The following KIF2A variants were observed in gnomAD, a reference collection of about 807,000 sequenced individuals.
KIF2A encodes kinesin-like protein KIF2A.
Under a neutral mutation model 100.2 loss-of-function variants are expected in KIF2A, and 22 were observed. The observed-to-expected ratio is 0.22, with a 90% CI of 0.16 to 0.31. The LOEUF (loss-of-function observed/expected upper bound fraction) is 0.31, where lower values mean the gene tolerates loss of function less well. Ranked by LOEUF, KIF2A falls within the 10% of genes least tolerant of loss-of-function variation. The pLI, the probability that KIF2A is intolerant of heterozygous loss-of-function variation, is 1.00. For missense variants in KIF2A, 495 were observed against 898.7 expected, an observed-to-expected ratio of 0.55 and a Z score of 5.74; for synonymous variants, 268 against 285.9, an observed-to-expected ratio of 0.94 and a Z score of 0.63.
intron 7 of KIF2A, among the ~76,000 whole-genome samples, chr5:62,356,157 A>T (rs1277791550): frequency 6.6e-6 from 1 of 152,228 alleles, no homozygotes; most frequent in African/African-American, 2.4e-5. Context: ...CATAGCATAT[A>T]CAGAATGTGT....
intron 19 of KIF2A, 46 bp from the exon 20 acceptor site, chr5:62,381,072 G>C: frequency 6.7e-7 from 1 of 1,487,248 alleles, no homozygotes; most frequent in Non-Finnish European, 9.3e-7. Context: ...TTTGGTTTCT[G>C]TTGCACAAAG....
At chr5:62,345,814 G>A (rs1371901674) in intron 1 of KIF2A, among the ~76,000 whole-genome samples, 2 of 151,428 alleles carry the variant, frequency 1.3e-5, no homozygotes, top group Non-Finnish European at 2.9e-5. Flanking sequence ...AATTATAGAT[G>A]CCCCCAAGGA....
chr5:62,335,416 G>A (rs536583628), intron 1 of KIF2A, among the ~76,000 whole-genome samples: 138 of 152,212 alleles, frequency 9.1e-4, no homozygotes, highest in African/African-American at 3.1e-3. Context: ...TAGTAGAGAC[G>A]CCACTCTGTC....
At chr5:62,365,791 G>C (rs6863617) in intron 15 of KIF2A, among the ~76,000 whole-genome samples, 20,525 of 152,012 alleles carry the variant, frequency 0.14, 1,617 homozygotes, top group East Asian at 0.25. Context: ...TCTCCCCTGG[G>C]CAACAACTGG....
At position 62,347,203 on chromosome 5, in the gene KIF2A, TG is replaced by T; in HGVS notation, c.140del (p.Gly47GlufsTer42). The T allele has an allele frequency of 6.3e-7, 1 of 1,584,382 alleles. No individual in the cohort carries two copies. Reference protein sequence around the residue: ...ESVTVEWIENGDTKGKEIDLE... With the variant: ...ESVTVEWIENXDTKGKEIDLE... The stretch of plus-strand genomic sequence containing the variant: ...GTGTAACTGTTGAATGGATAGAAAA[TG>T]GAGATACAAAAGGCAAAGAGGTAAG... On this transcript the variant is annotated frameshift_variant, in exon 2 of 21. Coordinates refer to ENST00000407818, the MANE Select transcript of KIF2A (RefSeq NM_001098511.3). LOFTEE classifies it high-confidence loss of function.
intron 19 of KIF2A, among the ~76,000 whole-genome samples, chr5:62,378,709 G>A (rs1402744165): frequency 6.6e-6 from 1 of 152,076 alleles, no homozygotes; most frequent in African/African-American, 2.4e-5. Flanking sequence ...CTTGAGCCCA[G>A]GAATTCAAGA....
chr5:62,360,232 C>T (rs1369358715), intron 9 of KIF2A, among the ~76,000 whole-genome samples: 1 of 151,854 alleles, frequency 6.6e-6, no homozygotes, highest in African/African-American at 2.4e-5. Context: ...TCAAGTGATC[C>T]ACCCACCTCA....
At chr5:62,381,306 A>G in intron 20 of KIF2A, 53 bp downstream of exon 20, 1 of 1,485,858 alleles carries the variant, frequency 6.7e-7, no homozygotes, top group Non-Finnish European at 9.3e-7. Flanking sequence ...TGGTATGTAT[A>G]TTGGTGAGAG....
chr5:62,381,764 A>G (rs1741780373), intron 20 of KIF2A, among the ~76,000 whole-genome samples: 1 of 152,154 alleles, frequency 6.6e-6, no homozygotes, highest in Non-Finnish European at 1.5e-5. Flanking sequence ...GGGTCTTGCT[A>G]TGTTGCTCAG....
intron 16 of KIF2A, among the ~76,000 whole-genome samples, chr5:62,368,776 TAA>T (rs879769914): frequency 9.7e-5 from 14 of 143,764 alleles, no homozygotes; most frequent in Non-Finnish European, 1.5e-4. Flanking sequence ...GACCTTGTCT[TAA>T]AAAAAAAAAA....
chr5:62,342,712 T>G, intron 1 of KIF2A, among the ~76,000 whole-genome samples: 1 of 152,082 alleles, frequency 6.6e-6, no homozygotes, highest in East Asian at 1.9e-4. Context: ...GTTTCAAATC[T>G]GCATCATGGT....
At chr5:62,332,853 T>C (rs1746724266) in intron 1 of KIF2A, among the ~76,000 whole-genome samples, 5 of 152,342 alleles carry the variant, frequency 3.3e-5, no homozygotes, top group African/African-American at 1.2e-4. Context: ...TAATTGCTTT[T>C]TGCCCATTCC....
intron 1 of KIF2A, among the ~76,000 whole-genome samples, chr5:62,337,144 A>G (rs906590945): frequency 5.3e-5 from 8 of 152,240 alleles, no homozygotes; most frequent in Non-Finnish European, 8.8e-5. Flanking sequence ...TTTCACACCA[A>G]CTATTCTAGA....
intron 1 of KIF2A, chr5:62,308,298 C>A: frequency 7.3e-7 from 1 of 1,370,656 alleles, no homozygotes; most frequent in Non-Finnish European, 9.5e-7. Context: ...CTGTTAATGT[C>A]ATTTTTTTAG....
At chr5:62,352,543 C>A in intron 4 of KIF2A, 45 bp from the exon 5 acceptor site, 1 of 1,457,720 alleles carries the variant, frequency 6.9e-7, no homozygotes, top group South Asian at 1.4e-5. Context: ...TTAGCTTTTA[C>A]TAATTTTCTA....
At chr5:62,319,533 G>T (rs1302796110) in intron 1 of KIF2A, among the ~76,000 whole-genome samples, 6 of 152,100 alleles carry the variant, frequency 3.9e-5, no homozygotes, top group Non-Finnish European at 8.8e-5. Flanking sequence ...CCCTTTGTTT[G>T]CTCTGTCAAA....
At chr5:62,337,373 TC>T in intron 1 of KIF2A, among the ~76,000 whole-genome samples, 1 of 152,060 alleles carries the variant, frequency 6.6e-6, no homozygotes, top group Middle Eastern at 3.4e-3. Flanking sequence ...GTGCATGTAA[TC>T]CCAGCTATTC....
chr5:62,329,816 T>TA lies in KIF2A; in HGVS notation c.65-17314_65-17313insA, dbSNP rs745765859. 4.6e-5 allele frequency among the ~76,000 whole-genome samples: 7 copies of TA among 152,358 alleles called. No homozygotes were observed. In the South Asian group the frequency reaches 1.4e-3, roughly 32 times the overall value. The stretch of plus-strand genomic sequence containing the variant: ...ACATTAAAGAGGGGAATTATTTTCA[T>TA]GCGCTTGAAGGAGCATCCTTTTAGA... On this transcript the variant is annotated intron_variant, in intron 1 of 20. Transcript: ENST00000407818.
intron 1 of KIF2A, among the ~76,000 whole-genome samples, chr5:62,331,837 T>C (rs1746671041): frequency 6.6e-6 from 1 of 152,122 alleles, no homozygotes; most frequent in African/African-American, 2.4e-5. Context: ...AAAAACTGCT[T>C]GGATCTGAAA....
Sources: allele counts gnomAD v4.1 joint callset (sites outside exome capture counted in the v4.1 genomes callset), GRCh38; gene constraint gnomAD v4.1.1; transcripts MANE v1.5; gene names NCBI Gene and HGNC (gene_info 2026-07-23, HGNC 2026-07-21).